RAD17: variants seen among roughly 807,000 people sequenced by gnomAD.
RAD17 encodes cell cycle checkpoint protein RAD17.
A neutral mutation model predicts 81.5 loss-of-function variants in RAD17; 31 were observed. The observed-to-expected ratio is 0.38, with a 90% CI of 0.29 to 0.51. RAD17 has a LOEUF of 0.51. RAD17 is among the 20% of genes least tolerant of loss of function. RAD17 has a pLI of 0.88. For synonymous variants in RAD17, 261 were observed against 266.2 expected, an observed-to-expected ratio of 0.98 and a Z score of 0.19; for missense variants, 681 against 781.2, an observed-to-expected ratio of 0.87 and a Z score of 1.53.
chr5:69,404,508 C>A (rs1191257835), intron 17 of RAD17, among the ~76,000 whole-genome samples: 1 of 151,916 alleles, frequency 6.6e-6, no homozygotes, highest in African/African-American at 2.4e-5. Flanking sequence ...TGGCTCACGC[C>A]TGTAACCCCA....
chr5:69,413,537 G>A lies in RAD17; in HGVS notation c.1752-494G>A, dbSNP rs1321231432. The stretch of plus-strand genomic sequence containing the variant: ...GTGGTTTGGTTTGGTTTTTTTGTTT[G>A]TTTGTTTTTTGTTTGGAGACAGAGT... On this transcript the variant is annotated intron_variant, in intron 18 of 18. Transcript: ENST00000354868. Among the ~76,000 whole-genome samples, 4 of 152,106 alleles carry A rather than the reference G, an allele frequency of 2.6e-5. No individual in the cohort carries two copies. The East Asian group carries it at 7.8e-4, about 30-fold the overall frequency.
intron 8 of RAD17, among the ~76,000 whole-genome samples, 167 bp downstream of exon 8, chr5:69,385,100 C>T (rs906586923): frequency 3.3e-5 from 5 of 151,268 alleles, no homozygotes; most frequent in African/African-American, 7.3e-5. Flanking sequence ...GCTGGGACTA[C>T]AGGCGCCCGC....
intron 7 of RAD17, among the ~76,000 whole-genome samples, chr5:69,383,505 A>G (rs1763985051): frequency 6.6e-6 from 1 of 151,766 alleles, no homozygotes; most frequent in Non-Finnish European, 1.5e-5. Flanking sequence ...CAGCCTCCCA[A>G]GTAGCTGGGA....
intron 7 of RAD17, 151 bp downstream of exon 7, chr5:69,382,208 G>A: frequency 4.6e-6 from 4 of 860,622 alleles, no homozygotes; most frequent in Non-Finnish European, 7.2e-6. Context: ...CTGTCACATG[G>A]GAGGCTGAGG....
At chr5:69,377,473 A>ATATG (rs1763446471) in intron 6 of RAD17, among the ~76,000 whole-genome samples, 1 of 6,082 alleles carries the variant, frequency 1.6e-4, no homozygotes, top group African/African-American at 2.2e-4. Flanking sequence ...ATATATATAT[A>ATATG]TACACACACA....
At chr5:69,379,161 G>A (rs1056601590) in intron 6 of RAD17, among the ~76,000 whole-genome samples, 6 of 152,106 alleles carry the variant, frequency 3.9e-5, no homozygotes, top group East Asian at 1.9e-4. Context: ...ACTTGAAAGC[G>A]GGTGGCGGAA....
chr5:69,374,192 ATCTT>A lies in RAD17; in HGVS notation c.267+109_267+112del, dbSNP rs984608823. On this transcript the variant is annotated intron_variant, in intron 5 of 18. Transcript: ENST00000354868. ...ATTTTCAGATTTTTTACTCATAAGA[ATCTT>A]TCTAAGTGTTAGAAAAAATTCTGGA... 208 of 1,054,878 alleles carry A rather than the reference ATCTT, an allele frequency of 2.0e-4. No individual in the cohort carries two copies. In the African/African-American group the frequency reaches 2.5e-3, roughly 13 times the overall value. 65.3% of individuals were successfully genotyped at this position (1,054,878 alleles called of 1,614,324 possible).
In RAD17 at chr5:69,377,531, A is replaced by G. The variant is rs1442475138; in HGVS notation, c.351+2820A>G. ...TGTATATATACGTATATATATGTGT[A>G]TATATACGTATATATATGCATATAT... On this transcript the variant is annotated intron_variant, in intron 6 of 18. Coordinates refer to ENST00000354868, the MANE Select transcript of RAD17 (RefSeq NM_133338.3). Among the ~76,000 whole-genome samples the G allele has an allele frequency of 8.6e-5, 6 of 69,980 alleles. 2 individuals are homozygous for G. The highest frequency in any genetic ancestry group is 3.4e-4 in the Admixed American group (2 of 5,896). 45.9% of individuals were successfully genotyped at this position (69,980 alleles called of 152,430 possible).
chr5:69,392,359 A>T (rs1435610413), intron 13 of RAD17, among the ~76,000 whole-genome samples: 2 of 152,212 alleles, frequency 1.3e-5, no homozygotes, highest in Non-Finnish European at 2.9e-5. Context: ...ACAGAGCCTT[A>T]TACAAATTAC....
chr5:69,381,272 A>T (rs969369781), intron 6 of RAD17, among the ~76,000 whole-genome samples: 35 of 152,154 alleles, frequency 2.3e-4, no homozygotes, highest in African/African-American at 8.4e-4. Context: ...CGAGGTCAGG[A>T]GATTGAGACC....
intron 12 of RAD17, among the ~76,000 whole-genome samples, chr5:69,389,638 G>A (rs1764423653): frequency 6.6e-6 from 1 of 152,142 alleles, no homozygotes; most frequent in African/African-American, 2.4e-5. Context: ...GTTTACTTTT[G>A]GAATTATTAT....
At chr5:69,376,617 T>C (rs1178461755) in intron 6 of RAD17, among the ~76,000 whole-genome samples, 1 of 152,178 alleles carries the variant, frequency 6.6e-6, no homozygotes, top group African/African-American at 2.4e-5. Context: ...ACCAGAGTAG[T>C]ACATTTGTTA....
At position 69,374,621 on chromosome 5, in the gene RAD17, G is replaced by T. The variant is rs759446941; in HGVS notation, c.268-7G>T. 6.3e-7 allele frequency: 1 copy of T among 1,596,538 alleles called. No homozygotes were observed. Among genetic ancestry groups the T allele is most frequent in the Admixed American group, 1.8e-5 (1 of 55,398 alleles). ...GTTTTGTTTTAAATTTGAAATTTTTGTTGTAGCATGAACTTGCTGTGCATA... is the reference window on the plus strand; with the variant it reads ...GTTTTGTTTTAAATTTGAAATTTTTTTTGTAGCATGAACTTGCTGTGCATA... On this transcript the variant is annotated splice_polypyrimidine_tract_variant and splice_region_variant and intron_variant, in intron 5 of 18. Transcript: ENST00000354868.
At chr5:69,370,055 G>T (rs1005962965) in intron 1 of RAD17, 122 bp downstream of exon 1, 10 of 323,218 alleles carry the variant, frequency 3.1e-5, no homozygotes, top group Non-Finnish European at 2.3e-5. Context: ...CCCATCTGGG[G>T]ATGAGAAGAT....
intron 12 of RAD17, among the ~76,000 whole-genome samples, chr5:69,391,419 G>A (rs1294609370): frequency 6.6e-6 from 1 of 152,046 alleles, no homozygotes; most frequent in African/African-American, 2.4e-5. Flanking sequence ...TAAGATTTTG[G>A]AATATTTGCA....
intron 11 of RAD17, among the ~76,000 whole-genome samples, chr5:69,388,650 A>G (rs1764361169): frequency 6.6e-6 from 1 of 151,944 alleles, no homozygotes; most frequent in South Asian, 2.1e-4. Context: ...TCTATTGCCC[A>G]GGCTGGAGTG....
At chr5:69,408,405 G>A (rs1447602648) in intron 17 of RAD17, among the ~76,000 whole-genome samples, 1 of 151,894 alleles carries the variant, frequency 6.6e-6, no homozygotes, top group Non-Finnish European at 1.5e-5. Context: ...AGTTTACTTG[G>A]GATGATGGTG....
In RAD17 at chr5:69,374,197, T is replaced by C. The variant is rs1463315952; in HGVS notation, c.267+110T>C. 4.0e-6 allele frequency: 4 copies of C among 989,166 alleles called. No individual in the cohort carries two copies. The African/African-American group carries it at 5.0e-5, about 12-fold the overall frequency. 61.3% of individuals were successfully genotyped at this position (989,166 alleles called of 1,614,324 possible). On this transcript the variant is annotated intron_variant, in intron 5 of 18. Transcript: ENST00000354868. ...CAGATTTTTTACTCATAAGAATCTT[T>C]CTAAGTGTTAGAAAAAATTCTGGAT...
chr5:69,405,218 A>G (rs1682163943), intron 17 of RAD17, among the ~76,000 whole-genome samples: 2 of 152,138 alleles, frequency 1.3e-5, no homozygotes, highest in African/African-American at 4.8e-5. Flanking sequence ...AAAAACTGAA[A>G]ATAGGCCGGG....
Sources: gnomAD v4.1 joint callset for allele counts (sites outside exome capture counted in the v4.1 genomes callset) on GRCh38, gnomAD v4.1.1 for gene constraint, MANE v1.5 for transcripts, NCBI Gene and HGNC (gene_info 2026-07-23, HGNC 2026-07-21) for gene names.